GRIA4: variants seen among roughly 807,000 people sequenced by gnomAD.
The protein encoded by GRIA4 is glutamate receptor 4.
A neutral mutation model predicts 104.0 loss-of-function variants in GRIA4; 34 were observed. That is an observed-to-expected ratio of 0.33 (90% confidence interval 0.25 to 0.44). GRIA4 has a LOEUF of 0.44. Ranked by LOEUF, GRIA4 falls within the 20% of genes least tolerant of loss-of-function variation. GRIA4 has a pLI of 1.00. For missense variants in GRIA4, 750 were observed against 1,096.5 expected (o/e 0.68, Z 4.46); for synonymous variants, 386 against 381.9 (o/e 1.01, Z -0.13).
intron 3 of GRIA4, among the ~76,000 whole-genome samples, chr11:105,681,960 T>C (rs1054328394): frequency 5.9e-5 from 9 of 152,042 alleles, no homozygotes; most frequent in African/African-American, 2.2e-4. Flanking sequence ...GAGAATCACT[T>C]GAGCCTGGGA....
At position 105,883,739 on chromosome 11, in the gene GRIA4, G is replaced by A. The variant is rs547284622; in HGVS notation, c.673-3780G>A. Among the ~76,000 whole-genome samples, 23 of 152,194 alleles carry A rather than the reference G, an allele frequency of 1.5e-4. 1 individual carries two copies. The South Asian group carries it at 4.3e-3, about 29-fold the overall frequency. On this transcript the variant is annotated intron_variant, in intron 5 of 16. Coordinates refer to ENST00000282499, the MANE Select transcript of GRIA4 (RefSeq NM_000829.4). The stretch of plus-strand genomic sequence containing the variant: ...GTGAATAGTGCTGCAATAAACATAC[G>A]TGTGCATGTGTCTTTATAGCAGCAT...
intron 14 of GRIA4, among the ~76,000 whole-genome samples, chr11:105,943,878 C>CTA (rs1810499376): frequency 1.3e-5 from 2 of 152,082 alleles, no homozygotes; most frequent in African/African-American, 2.4e-5. Context: ...TGCTCTCTCT[C>CTA]TCTATATATA....
intron 3 of GRIA4, among the ~76,000 whole-genome samples, chr11:105,646,445 A>T (rs1373932432): frequency 1.3e-5 from 2 of 152,122 alleles, no homozygotes; most frequent in African/African-American, 4.8e-5. Flanking sequence ...GTTAAAAATT[A>T]GACAATCACC....
intron 10 of GRIA4, among the ~76,000 whole-genome samples, chr11:105,915,737 A>C (rs1947382146): frequency 6.6e-6 from 1 of 152,276 alleles, no homozygotes; most frequent in African/African-American, 2.4e-5. Flanking sequence ...CTTGTTCCCT[A>C]AGTCATATGA....
At chr11:105,888,572 C>G (rs936723593) in intron 6 of GRIA4, among the ~76,000 whole-genome samples, 1 of 151,960 alleles carries the variant, frequency 6.6e-6, no homozygotes, top group Non-Finnish European at 1.5e-5. Context: ...AGGCGTGAGC[C>G]ACCACGCCCG....
chr11:105,950,296 G>C (rs958296727), intron 14 of GRIA4, among the ~76,000 whole-genome samples: 1 of 152,128 alleles, frequency 6.6e-6, no homozygotes, highest in African/African-American at 2.4e-5. Context: ...ATAAATATGA[G>C]AGTCACTTGT....
chr11:105,910,889 T>C (rs1369693968), intron 10 of GRIA4, among the ~76,000 whole-genome samples: 3 of 151,992 alleles, frequency 2.0e-5, no homozygotes, highest in Non-Finnish European at 4.4e-5. Flanking sequence ...CATAAATATA[T>C]CCAGTAGTAA....
chr11:105,889,921 A>G (rs1029996202), intron 6 of GRIA4, among the ~76,000 whole-genome samples: 7 of 152,178 alleles, frequency 4.6e-5, no homozygotes, highest in Admixed American at 6.5e-5. Context: ...ATAATTTACA[A>G]TTACAATTTA....
At chr11:105,900,255 C>G (rs1337842043) in intron 7 of GRIA4, among the ~76,000 whole-genome samples, 2 of 152,066 alleles carry the variant, frequency 1.3e-5, no homozygotes, top group South Asian at 2.1e-4. Context: ...TTAAAGTGTA[C>G]TCTAAGTGTT....
chr11:105,666,854 T>C (rs1465275725), intron 3 of GRIA4, among the ~76,000 whole-genome samples: 1 of 151,952 alleles, frequency 6.6e-6, no homozygotes, highest in Non-Finnish European at 1.5e-5. Context: ...TAATGCTTGT[T>C]TTGGTCACGT....
chr11:105,698,403 G>C (rs1334876174), intron 3 of GRIA4, among the ~76,000 whole-genome samples: 1 of 152,110 alleles, frequency 6.6e-6, no homozygotes, highest in Non-Finnish European at 1.5e-5. Context: ...ATGCACATAG[G>C]AAAGTATCAA....
chr11:105,785,213 C>CTTCAT (rs1369790184), intron 4 of GRIA4, among the ~76,000 whole-genome samples: 1 of 152,022 alleles, frequency 6.6e-6, no homozygotes, highest in Non-Finnish European at 1.5e-5. Context: ...ACTTCAATTT[C>CTTCAT]TTCATTTGCA....
intron 3 of GRIA4, among the ~76,000 whole-genome samples, chr11:105,738,484 G>A (rs1939097129): frequency 6.6e-6 from 1 of 152,130 alleles, no homozygotes; most frequent in Admixed American, 6.6e-5. Context: ...TTAAACAAAT[G>A]TCACCAAATT....
At chr11:105,949,256 T>C (rs1948404480) in intron 14 of GRIA4, among the ~76,000 whole-genome samples, 1 of 152,232 alleles carries the variant, frequency 6.6e-6, no homozygotes, top group South Asian at 2.1e-4. Context: ...TGTTTTGTTT[T>C]AAAACACACT....
rs750702196 is a variant in GRIA4, at chr11:105,974,411, T to C, written c.2511T>C (p.Cys837=). 9.9e-6 allele frequency: 16 copies of C among 1,613,814 alleles called. No individual in the cohort carries two copies. The highest frequency in any genetic ancestry group is 2.2e-5 in the East Asian group (1 of 44,894). Residue 837 remains cysteine (C), a synonymous_variant, in exon 16 of 17, where the codon TGT becomes TGC. Transcript: ENST00000282499. ...LAMLVALIEF[C]YKSRAEAKRM... ...TGCTGGTGGCTTTGATAGAGTTCTGTTACAAGTCCAGGGCAGAAGCGAAGA... is the reference window on the plus strand; with the variant it reads ...TGCTGGTGGCTTTGATAGAGTTCTGCTACAAGTCCAGGGCAGAAGCGAAGA...
chr11:105,907,404 T>C (rs1284765018), intron 9 of GRIA4, among the ~76,000 whole-genome samples: 2 of 152,254 alleles, frequency 1.3e-5, no homozygotes, highest in Non-Finnish European at 2.9e-5. Context: ...AGAGACACTA[T>C]GCTGGTGAAA....
chr11:105,786,817 T>G (rs1220394794), intron 4 of GRIA4, among the ~76,000 whole-genome samples: 1 of 152,206 alleles, frequency 6.6e-6, no homozygotes, highest in East Asian at 1.9e-4. Context: ...GCAATTATAC[T>G]GTGAATTAGA....
chr11:105,794,469 G>GTGTGTATATA (rs1427661928), intron 4 of GRIA4, among the ~76,000 whole-genome samples: 2 of 40,776 alleles, frequency 4.9e-5, no homozygotes, highest in African/African-American at 8.4e-5. Flanking sequence ...GTGTGTATAT[G>GTGTGTATATA]TATGTATATA....
At chr11:105,810,763 C>G (rs138873898) in intron 4 of GRIA4, among the ~76,000 whole-genome samples, 1 of 152,214 alleles carries the variant, frequency 6.6e-6, no homozygotes, top group South Asian at 2.1e-4. Flanking sequence ...CCCCCCACCC[C>G]ACCCTAGCAC....
Sources: allele counts gnomAD v4.1 joint callset (sites outside exome capture counted in the v4.1 genomes callset), GRCh38; gene constraint gnomAD v4.1.1; transcripts MANE v1.5; gene names NCBI Gene and HGNC (gene_info 2026-07-23, HGNC 2026-07-21).